Variants in MSH6 observed in about 807,000 individuals in gnomAD.
MSH6 encodes the protein DNA mismatch repair protein Msh6.
MSH6 carries 85 observed loss-of-function variants against 119.1 expected under a neutral mutation model. The ratio of observed to expected loss-of-function variants is 0.71; its 90% CI spans 0.60 to 0.85. The LOEUF is 0.85. MSH6 is among the 40% of genes least tolerant of loss of function. The pLI is 0.00. For synonymous variants in MSH6, 830 were observed against 586.9 expected (o/e 1.41, Z -5.99); for missense variants, 2,163 against 1,655.3 (o/e 1.31, Z -5.32).
rs2104434963 is a variant in MSH6 at position 47,800,977 on chromosome 2, T to C, written c.2994T>C (p.Ser998=). The change falls in exon 4 of 10, where the codon TCT becomes TCC. Residue 998 remains serine, a synonymous_variant. Transcript: ENST00000234420. ...TGCCAGAAGAATACGAGTTGAAATC[T>C]ACCAAGAAGGGCTGTAAACGATACT... The part of the protein sequence containing the change: ...RNLPEEYELK[S]TKKGCKRYWT... 6.4e-7 allele frequency: 1 copy of C among 1,559,978 alleles called. No homozygotes were observed. Among genetic ancestry groups the C allele is most frequent in the Non-Finnish European group, 8.6e-7 (1 of 1,156,142 alleles).
intron 1 of MSH6, among the ~76,000 whole-genome samples, chr2:47,788,930 T>G (rs1668549147): frequency 1.1e-5 from 1 of 92,730 alleles, no homozygotes; most frequent in African/African-American, 5.1e-5. Context: ...TTGTTTTTTT[T>G]TTTTTTTTTT....
chr2:47,786,335 G>A (rs558068979), intron 1 of MSH6, among the ~76,000 whole-genome samples: 1 of 151,606 alleles, frequency 6.6e-6, no homozygotes, highest in South Asian at 2.1e-4. Context: ...CATGTTGAGC[G>A]TATTTTTTTT....
At chr2:47,807,258 G>A (rs894135097), downstream of MSH6, 1 of 226,098 alleles carries the variant, frequency 4.4e-6, no homozygotes, top group Non-Finnish European at 8.8e-6. Flanking sequence ...AGGACTGTTT[G>A]TTTTGAAGAG....
chr2:47,808,097 CT>C (rs1305170297), downstream of MSH6: 2 of 1,590,298 alleles, frequency 1.3e-6, no homozygotes, highest in African/African-American at 1.4e-5. Flanking sequence ...AATGGCAGGA[CT>C]TTTTCTTTAG....
At chr2:47,794,168 C>G (rs896544795) in intron 2 of MSH6, among the ~76,000 whole-genome samples, 1 of 151,632 alleles carries the variant, frequency 6.6e-6, no homozygotes, top group Non-Finnish European at 1.5e-5. Context: ...TGGTGAAACC[C>G]TGTCTCTACT....
chr2:47,783,570 CAG>C, intron 1 of MSH6, 77 bp downstream of exon 1: 1 of 1,344,360 alleles, frequency 7.4e-7, no homozygotes, highest in Non-Finnish European at 9.7e-7. Context: ...GAGGCTCGCA[CAG>C]GGGGTTGGGG....
intron 1 of MSH6, among the ~76,000 whole-genome samples, chr2:47,790,698 C>A (rs1036486445): frequency 6.6e-6 from 1 of 152,018 alleles, no homozygotes; most frequent in South Asian, 2.1e-4. Flanking sequence ...GTTTCTCACC[C>A]TAATAACATA....
At chr2:47,809,634 T>C, downstream of MSH6, 1 of 1,613,524 alleles carries the variant, frequency 6.2e-7, no homozygotes, top group Non-Finnish European at 8.5e-7. Context: ...ATGCTAAAAA[T>C]AAGCCTCCAA....
rs267608132 is a variant in MSH6 at position 47,806,652 on chromosome 2, GTAAC to G, written c.4001+12_4001+15del. On this transcript the variant is annotated splice_donor_variant and splice_donor_5th_base_variant and intron_variant, in intron 9 of 9. Coordinates refer to ENST00000234420, the MANE Select transcript of MSH6 (RefSeq NM_000179.3). LOFTEE classifies it high-confidence loss of function. Reference sequence around the variant, plus strand: ...TGAATCAGTCACTACGATTATTTCGGTAACTAACTAACTATAATGGAATTATAAC... The same window carrying G: ...TGAATCAGTCACTACGATTATTTCGGTAACTAACTATAATGGAATTATAAC... The G allele has an allele frequency of 1.3e-3, 2,063 of 1,607,176 alleles. 5 individuals are homozygous for G. Among genetic ancestry groups the G allele is most frequent in the East Asian group, 3.1e-3 (140 of 44,812 alleles).
chr2:47,786,940 G>A (rs1361213075), intron 1 of MSH6, among the ~76,000 whole-genome samples: 1 of 151,960 alleles, frequency 6.6e-6, no homozygotes, highest in Non-Finnish European at 1.5e-5. Flanking sequence ...CCAGCCTTAT[G>A]GCATCTTTCG....
At chr2:47,802,134 C>T (rs1669639029) in intron 4 of MSH6, among the ~76,000 whole-genome samples, 1 of 152,184 alleles carries the variant, frequency 6.6e-6, no homozygotes, top group Admixed American at 6.5e-5. Flanking sequence ...AATCCATCTG[C>T]ATACAATTTT....
rs527836963 is a variant in MSH6, at chr2:47,802,635, GTTTTT to G, written c.3173-767_3173-763del. Among the ~76,000 whole-genome samples the G allele has an allele frequency of 5.2e-5, 6 of 115,908 alleles. No homozygotes were observed. The Admixed American group carries it at 5.4e-4, about 10-fold the overall frequency. 76.0% of individuals were successfully genotyped at this position (115,908 alleles called of 152,430 possible). On this transcript the variant is annotated intron_variant, in intron 4 of 9. Coordinates refer to ENST00000234420, the MANE Select transcript of MSH6 (RefSeq NM_000179.3). ...CGCATGAGCCACTGCGCCCAGCCCT[GTTTTT>G]TTTTTTTTTTTTTTTTTAAATAATG...
chr2:47,793,624 T>C (rs1668889768), intron 2 of MSH6, among the ~76,000 whole-genome samples: 2 of 150,170 alleles, frequency 1.3e-5, no homozygotes, highest in African/African-American at 4.9e-5. Context: ...AATAAATAAA[T>C]AAATAAATAA....
intron 4 of MSH6, 62 bp downstream of exon 4, chr2:47,801,217 A>G (rs773971468): frequency 3.9e-6 from 6 of 1,543,722 alleles, no homozygotes; most frequent in Non-Finnish European, 5.3e-6. Context: ...CCAGCTGTAT[A>G]TTATCCCTAA....
chr2:47,807,542 A>G (rs1481790533), downstream of MSH6: 7 of 212,852 alleles, frequency 3.3e-5, no homozygotes, highest in African/African-American at 1.6e-4. Context: ...GAGTACAGTT[A>G]CAGCAAGTCT....
chr2:47,789,108 T>G (rs1184936278), intron 1 of MSH6, among the ~76,000 whole-genome samples: 1 of 150,700 alleles, frequency 6.6e-6, no homozygotes, highest in Non-Finnish European at 1.5e-5. Flanking sequence ...GTATTTTTGG[T>G]AGAGACGGGG....
In MSH6 at chr2:47,799,676, C is replaced by G. The variant is rs1168297520; in HGVS notation, c.1693C>G (p.Leu565Val). ...TGGTGTGTGCTTTGTTGATACTTCA[C>G]TGGGAAAGTTTTTCATAGGTCAGTT... ...AYGVCFVDTS[L>V]GKFFIGQFSD... is the part of the protein sequence containing the mutation. The change falls in exon 4 of 10, where the codon CTG (leucine) becomes GTG (valine). Residue 565 changes from leucine to valine, a missense_variant. Transcript: ENST00000234420. 3 of 1,614,146 alleles carry G rather than the reference C, an allele frequency of 1.9e-6. No homozygotes were observed. In the South Asian group the frequency reaches 3.3e-5, roughly 18 times the overall value.
chr2:47,806,174 T>A, intron 7 of MSH6, 30 bp from the exon 8 acceptor site: 1 of 1,609,268 alleles, frequency 6.2e-7, no homozygotes, highest in Non-Finnish European at 8.5e-7. Flanking sequence ...TCCTTTGAGT[T>A]ACTTCCTTAT....
At chr2:47,805,554 A>AAGATGAAT in intron 6 of MSH6, 64 bp from the exon 7 acceptor site, 4 of 1,061,346 alleles carry the variant, frequency 3.8e-6, no homozygotes, top group Admixed American at 1.7e-5. Flanking sequence ...TATAACCTAG[A>AAGATGAAT]AGATGAATTT....
Sources: gnomAD v4.1 joint callset for allele counts (sites outside exome capture counted in the v4.1 genomes callset) on GRCh38, gnomAD v4.1.1 for gene constraint, MANE v1.5 for transcripts, NCBI Gene and HGNC (gene_info 2026-07-23, HGNC 2026-07-21) for gene names.